GRK5: variants seen among roughly 807,000 people sequenced by gnomAD.
GRK5 encodes G protein-coupled receptor kinase 5, also known as g protein-coupled receptor kinase GRK5.
GRK5 carries 40 observed loss-of-function variants against 78.4 expected under a neutral mutation model. That is an observed-to-expected ratio of 0.51 (90% CI 0.40 to 0.66). The LOEUF (loss-of-function observed/expected upper bound fraction) is 0.66. GRK5 is among the 30% of genes least tolerant of loss of function. The probability of loss-of-function intolerance (pLI) is 0.00; values close to 1 mark genes in which losing one functional copy is unlikely to be tolerated. For synonymous variants in GRK5, 289 were observed against 296.8 expected (o/e 0.97, Z 0.27); for missense variants, 598 against 759.9 (o/e 0.79, Z 2.50).
rs1234770399 is a variant in GRK5, at chr10:119,379,633, C to T, written c.149-1182C>T. Among the ~76,000 whole-genome samples the T allele has an allele frequency of 2.6e-5, 4 of 152,168 alleles. No individual in the cohort carries two copies. Among genetic ancestry groups the T allele is most frequent in the African/African-American group, 9.7e-5 (4 of 41,440 alleles). On this transcript the variant is annotated intron_variant, in intron 2 of 15. Transcript: ENST00000392870. The surrounding 1 kb of genome is among the most constrained non-coding windows in gnomAD (Gnocchi z 4.1). The stretch of plus-strand genomic sequence containing the variant: ...CCCTCTTCCCTGTTTCCCACGAACT[C>T]ATCCGACTGTGTCCCGTGCAGCTGC...
chr10:119,439,650 C>A, intron 9 of GRK5, 81 bp from the exon 10 acceptor site: 1 of 1,386,388 alleles, frequency 7.2e-7, no homozygotes, highest in Non-Finnish European at 1.0e-6. Flanking sequence ...GCCTGATTAG[C>A]CCGAGGGGTC....
chr10:119,359,479 G>C (rs1851324034), intron 2 of GRK5, among the ~76,000 whole-genome samples: 1 of 152,324 alleles, frequency 6.6e-6, no homozygotes, highest in Admixed American at 6.5e-5. Context: ...AAGGGAATGG[G>C]ATCCCAGGTG....
At chr10:119,261,547 C>A (rs1488845844) in intron 1 of GRK5, among the ~76,000 whole-genome samples, 1 of 151,790 alleles carries the variant, frequency 6.6e-6, no homozygotes, top group South Asian at 2.1e-4. Flanking sequence ...CCAAGGCAGG[C>A]GGCTGGGAGG....
intron 13 of GRK5, among the ~76,000 whole-genome samples, chr10:119,451,597 C>T (rs1201202752): frequency 1.3e-5 from 2 of 152,200 alleles, no homozygotes; most frequent in Non-Finnish European, 2.9e-5. Context: ...GCGTGCACCC[C>T]GGGCTTTGGG....
At chr10:119,317,449 G>A (rs1850509442) in intron 1 of GRK5, among the ~76,000 whole-genome samples, 1 of 152,062 alleles carries the variant, frequency 6.6e-6, no homozygotes, top group Non-Finnish European at 1.5e-5. Flanking sequence ...ATCAGGGCCT[G>A]GGGGAGAGTT....
At chr10:119,354,999 A>G (rs1851244490) in intron 2 of GRK5, among the ~76,000 whole-genome samples, 1 of 152,190 alleles carries the variant, frequency 6.6e-6, no homozygotes, top group African/African-American at 2.4e-5. Flanking sequence ...ATAAAATAGT[A>G]TATTTGCATA....
intron 1 of GRK5, among the ~76,000 whole-genome samples, chr10:119,244,997 G>A (rs962698275): frequency 3.9e-5 from 6 of 152,118 alleles, no homozygotes; most frequent in Non-Finnish European, 8.8e-5. Flanking sequence ...AGAATTCAAG[G>A]CTGGGCGCGG....
At chr10:119,221,350 C>G (rs1045538252) in intron 1 of GRK5, among the ~76,000 whole-genome samples, 15 of 152,194 alleles carry the variant, frequency 9.9e-5, no homozygotes, top group Non-Finnish European at 1.5e-4. Context: ...ACACACTGTT[C>G]CGCAGCTGTT....
chr10:119,449,342 C>T (rs1853226204), intron 13 of GRK5, among the ~76,000 whole-genome samples: 1 of 152,204 alleles, frequency 6.6e-6, no homozygotes, highest in East Asian at 1.9e-4. Flanking sequence ...ACCCCCTATA[C>T]ATGGGGATTC....
chr10:119,351,901 A>G (rs57792860), intron 2 of GRK5, among the ~76,000 whole-genome samples: 20,211 of 152,188 alleles, frequency 0.13, 2,465 homozygotes, highest in African/African-American at 0.32. Context: ...AGGGAACTTG[A>G]ATTTGGATCC....
In GRK5 at chr10:119,448,279, C is replaced by T; in HGVS notation, c.1404+19C>T. 1.3e-6 allele frequency: 2 copies of T among 1,578,830 alleles called. No individual in the cohort carries two copies. The highest frequency in any genetic ancestry group is 8.6e-7 in the Non-Finnish European group (1 of 1,166,806). On this transcript the variant is annotated intron_variant, in intron 13 of 15. Transcript: ENST00000392870. ...TCCAGACGTGAGTAGCCTCCCCCAG[C>T]CCCCAGCAGCTCCCTTCACAGGGTA... is the stretch of plus-strand genomic sequence containing the variant.
At chr10:119,300,449 C>G (rs116836707) in intron 1 of GRK5, among the ~76,000 whole-genome samples, 1 of 152,254 alleles carries the variant, frequency 6.6e-6, no homozygotes, top group African/African-American at 2.4e-5. Flanking sequence ...GGTAAGCAGT[C>G]TGTATATTGG....
At chr10:119,329,124 TA>T (rs1827485250) in intron 2 of GRK5, among the ~76,000 whole-genome samples, 1 of 152,222 alleles carries the variant, frequency 6.6e-6, no homozygotes, top group African/African-American at 2.4e-5. Context: ...GTGTTTCTAA[TA>T]AATAGAAGAA....
intron 10 of GRK5, 74 bp from the exon 11 acceptor site, chr10:119,441,925 C>T (rs1853044296): frequency 8.2e-7 from 1 of 1,220,998 alleles, no homozygotes; most frequent in Non-Finnish European, 1.2e-6. Flanking sequence ...GTATGCCTTG[C>T]CCAAGGGCAC....
At chr10:119,279,438 C>G (rs1048063759) in intron 1 of GRK5, among the ~76,000 whole-genome samples, 1 of 152,156 alleles carries the variant, frequency 6.6e-6, no homozygotes, top group Non-Finnish European at 1.5e-5. Flanking sequence ...TTGTGCAGCT[C>G]AGCATCCTGG....
chr10:119,433,971 A>G (rs1391342329), intron 8 of GRK5, among the ~76,000 whole-genome samples: 1 of 152,244 alleles, frequency 6.6e-6, no homozygotes, highest in Non-Finnish European at 1.5e-5. Flanking sequence ...GAGGCCTCAC[A>G]ATCATGGTGG....
intron 2 of GRK5, among the ~76,000 whole-genome samples, chr10:119,367,341 C>T (rs1331465367): frequency 6.6e-6 from 1 of 152,220 alleles, no homozygotes; most frequent in African/African-American, 2.4e-5. Flanking sequence ...GCCTGTGAAA[C>T]ACCCATCTCT....
Position 119,378,801 on chromosome 10 carries a change from G to T in GRK5, c.149-2014G>T, listed in dbSNP as rs1225980962. On this transcript the variant is annotated intron_variant, in intron 2 of 15. Coordinates refer to ENST00000392870, the MANE Select transcript of GRK5 (RefSeq NM_005308.3). This position sits in a 1 kb window ranked among gnomAD's most constrained non-coding sequence, Gnocchi z 4.5. Reference sequence around the variant, plus strand: ...GTCTTTCCTGGAAGTTCTGGCAAAAGCCCTGGGAGGACTCCGGGGCCCCCA... The same window carrying T: ...GTCTTTCCTGGAAGTTCTGGCAAAATCCCTGGGAGGACTCCGGGGCCCCCA... 6.6e-6 allele frequency among the ~76,000 whole-genome samples: 1 copy of T among 152,248 alleles called. No homozygotes were observed. The highest frequency in any genetic ancestry group is 1.5e-5 in the Non-Finnish European group (1 of 68,040).
intron 1 of GRK5, among the ~76,000 whole-genome samples, chr10:119,285,524 C>G (rs905326715): frequency 2.0e-5 from 3 of 152,122 alleles, no homozygotes; most frequent in Non-Finnish European, 2.9e-5. Flanking sequence ...ATTTATGCCA[C>G]TGGAAACATT....
Sources: gnomAD v4.1 joint callset for allele counts (sites outside exome capture counted in the v4.1 genomes callset) on GRCh38, gnomAD v4.1.1 for gene constraint, Gnocchi (gnomAD v3.1) non-coding constraint, MANE v1.5 for transcripts, NCBI Gene and HGNC (gene_info 2026-07-23, HGNC 2026-07-21) for gene names.